Variants in FAM220A observed in about 807,000 individuals in gnomAD.
FAM220A encodes family with sequence similarity 220 member A.
For missense variants in FAM220A, 392 were observed against 321.6 expected, an observed-to-expected ratio of 1.22 and a Z score of -1.68; for synonymous variants, 141 against 130.7, an observed-to-expected ratio of 1.08 and a Z score of -0.54.
intron 1 of FAM220A, among the ~76,000 whole-genome samples, chr7:6,344,096 G>C (rs1781916090): frequency 6.6e-6 from 1 of 151,118 alleles, no homozygotes; most frequent in Non-Finnish European, 1.5e-5. Flanking sequence ...TGTTGCCCAG[G>C]CTTCTCAAGC....
At chr7:6,345,522 T>G (rs1429950929) in intron 1 of FAM220A, among the ~76,000 whole-genome samples, 1 of 152,058 alleles carries the variant, frequency 6.6e-6, no homozygotes, top group African/African-American at 2.4e-5. Flanking sequence ...AGAGAGGTGG[T>G]TATAAATAGA....
Position 6,330,408 on chromosome 7 carries a change from A to C in FAM220A, c.747T>G (p.Pro249=). The change falls in exon 2 of 2, where the codon CCT becomes CCG. Residue 249 remains proline, a synonymous_variant. Transcript: ENST00000313324. ...GGCATAATGTATTTGCTAATTCAAA[A>C]GGTTGCAGAGCCAGTAACCCCAGTG... is the stretch of plus-strand genomic sequence containing the variant. ...QITLGLLALQ[P]FELANTLCHS The C allele has an allele frequency of 1.9e-6, 3 of 1,613,448 alleles. No homozygotes were observed. Among genetic ancestry groups the C allele is most frequent in the Non-Finnish European group, 2.5e-6 (3 of 1,179,888 alleles).
intron 1 of FAM220A, among the ~76,000 whole-genome samples, chr7:6,345,983 GGTCTTA>G (rs1384665257): frequency 6.6e-6 from 1 of 151,970 alleles, no homozygotes; most frequent in Non-Finnish European, 1.5e-5. Context: ...TGTCCAGGCT[GGTCTTA>G]AACTCCTGAC....
At chr7:6,342,411 G>A (rs993654342) in intron 1 of FAM220A, among the ~76,000 whole-genome samples, 2 of 151,938 alleles carry the variant, frequency 1.3e-5, no homozygotes, top group East Asian at 3.9e-4. Flanking sequence ...TGGGCATGGT[G>A]GTAGGCACCT....
In FAM220A at chr7:6,341,521, A is replaced by G. The variant is rs940654998; in HGVS notation, c.-82+7052T>C. ...AACGTGGTGAAACCCTGCCTCTACT[A>G]AAAAAAAATTTTTTTTAAATTAGCC... On this transcript the variant is annotated intron_variant, in intron 1 of 1. Transcript: ENST00000313324. Among the ~76,000 whole-genome samples the G allele has an allele frequency of 2.7e-5, 4 of 148,216 alleles. No homozygotes were observed. In the Admixed American group the frequency reaches 2.7e-4, roughly 10 times the overall value.
intron 1 of FAM220A, among the ~76,000 whole-genome samples, chr7:6,336,228 C>A (rs1056279779): frequency 2.7e-4 from 41 of 151,342 alleles, no homozygotes; most frequent in African/African-American, 7.8e-4. Context: ...CACCTGTAGT[C>A]CCAGTCACTT....
chr7:6,336,091 T>G (rs1781740708), intron 1 of FAM220A, among the ~76,000 whole-genome samples: 1 of 150,716 alleles, frequency 6.6e-6, no homozygotes, highest in Admixed American at 6.6e-5. Flanking sequence ...GACAATCGTT[T>G]GAACCTGGGA....
chr7:6,333,157 A>G (rs1467019665), intron 1 of FAM220A, among the ~76,000 whole-genome samples: 2 of 134,880 alleles, frequency 1.5e-5, no homozygotes, highest in Admixed American at 1.7e-4. Context: ...CTCCATCCCA[A>G]ATAAAAAAAT....
At chr7:6,343,949 G>C (rs1781912844) in intron 1 of FAM220A, among the ~76,000 whole-genome samples, 1 of 152,032 alleles carries the variant, frequency 6.6e-6, no homozygotes, top group South Asian at 2.1e-4. Flanking sequence ...GCAGTGGTGG[G>C]ATCATAGCTT....
In FAM220A at chr7:6,333,842, T is replaced by TTC. The variant is rs1202169460; in HGVS notation, c.-81-2608_-81-2607insGA. On this transcript the variant is annotated intron_variant, in intron 1 of 1. Coordinates refer to ENST00000313324, the MANE Select transcript of FAM220A (RefSeq NM_001037163.2). ...GAATGGTCTCGAACTCCTGGCCTCT[T>TTC]TTTTTTTTTTTTTTTTTTTGAGACA... Among the ~76,000 whole-genome samples the TTC allele has an allele frequency of 3.8e-4, 53 of 140,160 alleles. 2 individuals carry two copies. Among genetic ancestry groups the TTC allele is most frequent in the South Asian group, 1.9e-3 (8 of 4,212 alleles). 92.0% of individuals were successfully genotyped at this position (140,160 alleles called of 152,430 possible).
intron 1 of FAM220A, among the ~76,000 whole-genome samples, chr7:6,348,233 G>GA (rs541675785): frequency 0.033 from 1,342 of 40,766 alleles, 10 homozygotes; most frequent in South Asian, 0.06. Flanking sequence ...TTAAAAATAA[G>GA]GGGGGGGGTT....
intron 1 of FAM220A, among the ~76,000 whole-genome samples, chr7:6,333,238 G>T (rs1228246086): frequency 1.3e-5 from 2 of 151,964 alleles, no homozygotes; most frequent in African/African-American, 4.8e-5. Context: ...ATTAGAGGCT[G>T]AAGGAGAAAG....
intron 1 of FAM220A, among the ~76,000 whole-genome samples, chr7:6,340,712 A>G (rs1781835198): frequency 1.3e-5 from 2 of 151,892 alleles, no homozygotes; most frequent in Admixed American, 1.3e-4. Flanking sequence ...ATCCTGGCTA[A>G]CACGGTAAAA....
intron 1 of FAM220A, among the ~76,000 whole-genome samples, chr7:6,333,893 C>G (rs1781691584): frequency 7.4e-6 from 1 of 134,414 alleles, no homozygotes; most frequent in African/African-American, 2.8e-5. Flanking sequence ...TTTGCCCAGG[C>G]TGGAGTGCAG....
intron 1 of FAM220A, among the ~76,000 whole-genome samples, chr7:6,333,995 C>T (rs958639614): frequency 6.0e-5 from 9 of 151,160 alleles, no homozygotes; most frequent in Admixed American, 1.3e-4. Context: ...TACAGGCACC[C>T]GCCACCACGC....
chr7:6,346,901 C>G (rs963838987), intron 1 of FAM220A, among the ~76,000 whole-genome samples: 1 of 152,182 alleles, frequency 6.6e-6, no homozygotes, highest in Non-Finnish European at 1.5e-5. Flanking sequence ...GACCGTCCAA[C>G]TGTAAACTCC....
In FAM220A at chr7:6,330,096, G is replaced by C; in HGVS notation, c.*279C>G. On this transcript the variant is annotated 3_prime_UTR_variant, in exon 2 of 2. Coordinates refer to ENST00000313324, the MANE Select transcript of FAM220A (RefSeq NM_001037163.2). ...GAAGACAGAACTTCATGGTAAATCC[G>C]TATGTTCTAATCTGGTATTTATACA... The C allele has an allele frequency of 2.6e-6, 1 of 387,004 alleles. No homozygotes were observed. The highest frequency in any genetic ancestry group is 4.8e-6 in the Non-Finnish European group (1 of 207,446). 24.0% of individuals were successfully genotyped at this position (387,004 alleles called of 1,614,324 possible).
At chr7:6,338,747 T>C (rs1459141822) in intron 1 of FAM220A, 1 of 152,342 alleles carries the variant, frequency 6.6e-6, no homozygotes. Context: ...TCACCTTCCC[T>C]AACCCAAGCT....
At chr7:6,334,277 T>C (rs1468837052) in intron 1 of FAM220A, among the ~76,000 whole-genome samples, 2 of 150,866 alleles carry the variant, frequency 1.3e-5, no homozygotes, top group Non-Finnish European at 2.9e-5. Flanking sequence ...GGCTCACGCC[T>C]GTAATCCCAG....
Sources: allele counts gnomAD v4.1 joint callset (sites outside exome capture counted in the v4.1 genomes callset), GRCh38; gene constraint gnomAD v4.1.1; transcripts MANE v1.5; gene names NCBI Gene and HGNC (gene_info 2026-07-23, HGNC 2026-07-21).